POR: variants seen among roughly 807,000 people sequenced by gnomAD.
The protein encoded by POR is NADPH--cytochrome P450 reductase.
In POR, 56 loss-of-function variants were observed where a neutral mutation model predicts 84.0. The observed-to-expected ratio is 0.67, with a 90% CI of 0.54 to 0.83. The LOEUF (loss-of-function observed/expected upper bound fraction) is 0.83. Ranked by LOEUF, POR falls within the 40% of genes least tolerant of loss-of-function variation. POR has a pLI of 0.00. For missense variants in POR, 938 were observed against 944.3 expected (o/e 0.99, Z 0.09); for synonymous variants, 414 against 400.5 (o/e 1.03, Z -0.40).
chr7:75,965,718 A>G (rs1457592334), intron 2 of POR, among the ~76,000 whole-genome samples: 2 of 152,170 alleles, frequency 1.3e-5, no homozygotes, highest in Non-Finnish European at 2.9e-5. Context: ...AAGAGCATCA[A>G]GGCTTTTGCG....
chr7:75,983,357 AC>A, intron 8 of POR, 162 bp from the exon 9 acceptor site: 1 of 573,882 alleles, frequency 1.7e-6, no homozygotes, highest in Non-Finnish European at 3.1e-6. Context: ...AAAAAAGAGA[AC>A]TGCATTGGAC....
intron 2 of POR, among the ~76,000 whole-genome samples, chr7:75,963,983 GT>G (rs576897271): frequency 2.0e-5 from 3 of 148,462 alleles, no homozygotes; most frequent in African/African-American, 7.6e-5. Flanking sequence ...GAGCATCTAA[GT>G]TTTTTTCTTT....
At position 75,952,453 on chromosome 7, in the gene POR, G is replaced by A. The variant is rs1482528208; in HGVS notation, c.-4-1536G>A. Among the ~76,000 whole-genome samples, 3 of 148,332 alleles carry A rather than the reference G, an allele frequency of 2.0e-5. No homozygotes were observed. In the East Asian group the frequency reaches 6.2e-4, roughly 30 times the overall value. On this transcript the variant is annotated intron_variant, in intron 1 of 15. Coordinates refer to ENST00000461988, the MANE Select transcript of POR (RefSeq NM_000941.3). Reference sequence around the variant, plus strand: ...TCCCTCCCGGACGGAGCGGCTGGCCGGGCGGGGGCTGACCCCCACCTCCCT... The same window carrying A: ...TCCCTCCCGGACGGAGCGGCTGGCCAGGCGGGGGCTGACCCCCACCTCCCT...
At chr7:75,970,096 G>A (rs1216269995) in intron 2 of POR, among the ~76,000 whole-genome samples, 2 of 152,092 alleles carry the variant, frequency 1.3e-5, no homozygotes, top group African/African-American at 2.4e-5. Flanking sequence ...GTAGCTTAGC[G>A]TAGCCCAGAG....
At chr7:75,974,462 G>A (rs754064483) in intron 3 of POR, among the ~76,000 whole-genome samples, 1 of 150,360 alleles carries the variant, frequency 6.7e-6, no homozygotes, top group Non-Finnish European at 1.5e-5. Flanking sequence ...TTATGAATGA[G>A]ATTCAGTAGA....
At chr7:75,985,354 C>G in intron 12 of POR, 147 bp downstream of exon 12, 5 of 1,200,950 alleles carry the variant, frequency 4.2e-6, no homozygotes, top group Non-Finnish European at 5.6e-6. Context: ...CCTCCCCAGG[C>G]TGTGGACTCA....
At position 75,982,267 on chromosome 7, in the gene POR, GC is replaced by G. The variant is rs1789094697; in HGVS notation, c.777del (p.Lys260ArgfsTer10). 6 of 1,612,918 alleles carry G rather than the reference GC, an allele frequency of 3.7e-6. No individual in the cohort carries two copies. Among genetic ancestry groups the G allele is most frequent in the Non-Finnish European group, 5.1e-6 (6 of 1,179,584 alleles). ...TGTGGTCCACACCGACATAGATGCG[GC>G]CAAGGTGTACATGGGGGAGATGGGC... is the stretch of plus-strand genomic sequence containing the variant. On this transcript the variant is annotated frameshift_variant, in exon 8 of 16. Transcript: ENST00000461988. LOFTEE classifies it high-confidence loss of function.
At chr7:75,968,522 G>T (rs1585117625) in intron 2 of POR, among the ~76,000 whole-genome samples, 1 of 152,284 alleles carries the variant, frequency 6.6e-6, no homozygotes, top group Non-Finnish European at 1.5e-5. Flanking sequence ...GCAGTCCAGT[G>T]TGGGCCCTCT....
chr7:75,954,324 A>G, intron 2 of POR, 144 bp downstream of exon 2: 2 of 822,438 alleles, frequency 2.4e-6, no homozygotes, highest in East Asian at 2.7e-5. Context: ...TTCTTGCTAG[A>G]TTGTGCTTGA....
intron 5 of POR, 200 bp from the exon 6 acceptor site, chr7:75,980,848 C>T: frequency 9.0e-7 from 1 of 1,106,232 alleles, no homozygotes; most frequent in Non-Finnish European, 1.2e-6. Flanking sequence ...ACGGGGCAGG[C>T]TGTGGGCTGC....
rs149131379 is a variant in POR, at chr7:75,946,418, C to G, written c.-4-7571C>G. ...CCTCCTACCTCGGCCTGCCACATAG[C>G]TGGGACTACAGGTGCGCACCGTCAC... On this transcript the variant is annotated intron_variant, in intron 1 of 15. Transcript: ENST00000461988. Among the ~76,000 whole-genome samples, 593 of 152,144 alleles carry G rather than the reference C, an allele frequency of 3.9e-3. 4 individuals carry two copies. The highest frequency in any genetic ancestry group is 0.012 in the African/African-American group (479 of 41,500).
At position 75,980,680 on chromosome 7, in the gene POR, G is replaced by A. The variant is rs782039331; in HGVS notation, c.516+192G>A. 12 of 1,533,332 alleles carry A rather than the reference G, an allele frequency of 7.8e-6. No individual in the cohort carries two copies. In the South Asian group the frequency reaches 1.2e-4, roughly 15 times the overall value. 95.0% of individuals were successfully genotyped at this position (1,533,332 alleles called of 1,614,324 possible). A position where few individuals can be genotyped will look rare whatever the true frequency, so the allele number is the denominator to read the frequency against. ...CGAGAATGTCCCCTCCCTGTCCCCA[G>A]CCCCAGTCGGCTCCAGGGGGCATTG... On this transcript the variant is annotated intron_variant, in intron 5 of 15. Transcript: ENST00000461988.
intron 1 of POR, among the ~76,000 whole-genome samples, chr7:75,935,614 G>C (rs1006763199): frequency 2.9e-5 from 4 of 138,256 alleles, no homozygotes; most frequent in African/African-American, 1.1e-4. Flanking sequence ...AGGGCTGCTC[G>C]GGGCTTGTGT....
chr7:75,920,591 G>A (rs1447398171), intron 1 of POR, among the ~76,000 whole-genome samples: 1 of 152,006 alleles, frequency 6.6e-6, no homozygotes, highest in Non-Finnish European at 1.5e-5. Context: ...TTTTCCTACA[G>A]CCCTGTTTCT....
At chr7:75,970,468 C>T (rs1686396161) in intron 2 of POR, among the ~76,000 whole-genome samples, 1 of 151,922 alleles carries the variant, frequency 6.6e-6, no homozygotes, top group Admixed American at 6.6e-5. Flanking sequence ...CCTCAGCCTC[C>T]TGAGTAGCTG....
In POR at chr7:75,981,185, C is replaced by A; in HGVS notation, c.641+13C>A. On this transcript the variant is annotated intron_variant, in intron 6 of 15. Coordinates refer to ENST00000461988, the MANE Select transcript of POR (RefSeq NM_000941.3). ...ACGACGATGGGAAGTGAGTGCCCAC[C>A]CTGCCACCATGATCAGCGCGGCGGG... The A allele has an allele frequency of 1.3e-6, 2 of 1,530,242 alleles. No individual in the cohort carries two copies. Among genetic ancestry groups the A allele is most frequent in the South Asian group, 1.2e-5 (1 of 82,310 alleles). 94.8% of individuals were successfully genotyped at this position (1,530,242 alleles called of 1,614,324 possible). A position where few individuals can be genotyped will look rare whatever the true frequency, so the allele number is the denominator to read the frequency against.
intron 1 of POR, among the ~76,000 whole-genome samples, chr7:75,934,155 G>A (rs1554550494): frequency 6.6e-6 from 1 of 150,772 alleles, no homozygotes; most frequent in East Asian, 1.9e-4. Flanking sequence ...GTGTGTGTGT[G>A]TGTGTGTGTG....
chr7:75,951,933 T>C (rs1787438494), intron 1 of POR, among the ~76,000 whole-genome samples: 1 of 151,976 alleles, frequency 6.6e-6, no homozygotes, highest in Admixed American at 6.6e-5. Context: ...CCCACCTCCC[T>C]CCCGGACGGG....
intron 1 of POR, among the ~76,000 whole-genome samples, chr7:75,942,093 A>C (rs912229930): frequency 5.8e-4 from 88 of 152,092 alleles, no homozygotes; most frequent in African/African-American, 2.0e-3. Context: ...CATGGTGGGT[A>C]GTATACACCT....
Sources: allele counts gnomAD v4.1 joint callset (sites outside exome capture counted in the v4.1 genomes callset), GRCh38; gene constraint gnomAD v4.1.1; transcripts MANE v1.5; gene names NCBI Gene and HGNC (gene_info 2026-07-23, HGNC 2026-07-21).